Variants in BCL2L13 observed in about 807,000 individuals in gnomAD.
The protein encoded by BCL2L13 is BCL2 like 13.
In BCL2L13, 13 loss-of-function variants were observed where a neutral mutation model predicts 25.8. That is an observed-to-expected ratio of 0.50 (90% CI 0.33 to 0.80). The LOEUF (loss-of-function observed/expected upper bound fraction) is 0.80, where lower values mean the gene tolerates loss of function less well. Ranked by LOEUF, BCL2L13 falls within the 30% of genes least tolerant of loss-of-function variation. The probability of loss-of-function intolerance (pLI) is 0.02; values close to 1 mark genes in which losing one functional copy is unlikely to be tolerated. For missense variants in BCL2L13, 504 were observed against 574.9 expected (o/e 0.88, Z 1.26); for synonymous variants, 244 against 230.3 (o/e 1.06, Z -0.54).
intron 2 of BCL2L13, among the ~76,000 whole-genome samples, chr22:17,665,319 CTT>C (rs1303196906): frequency 2.0e-5 from 3 of 152,324 alleles, no homozygotes; most frequent in Non-Finnish European, 4.4e-5. Flanking sequence ...TCAACTTGGA[CTT>C]TATCGCCCAT....
intron 1 of BCL2L13, among the ~76,000 whole-genome samples, chr22:17,649,799 G>A (rs900953870): frequency 3.0e-4 from 45 of 151,554 alleles, no homozygotes; most frequent in African/African-American, 9.9e-4. Flanking sequence ...CACTGTGCCT[G>A]GCCGCTGAAG....
At chr22:17,667,257 C>T (rs547182563) in intron 2 of BCL2L13, among the ~76,000 whole-genome samples, 6 of 152,114 alleles carry the variant, frequency 3.9e-5, no homozygotes, top group Middle Eastern at 3.4e-3. Context: ...CTGCAACCTA[C>T]GCCTCCTGGG....
intron 2 of BCL2L13, among the ~76,000 whole-genome samples, chr22:17,675,059 C>T (rs1015076451): frequency 1.5e-5 from 2 of 136,674 alleles, no homozygotes; most frequent in Non-Finnish European, 3.1e-5. Flanking sequence ...CAAATACATA[C>T]ATACATACAT....
chr22:17,643,892 C>G (rs1021863737), intron 1 of BCL2L13, among the ~76,000 whole-genome samples: 1 of 150,472 alleles, frequency 6.6e-6, no homozygotes, highest in African/African-American at 2.5e-5. Context: ...GGATTACAGG[C>G]GTGAGCCACG....
At chr22:17,718,380 G>T (rs2145802450) in intron 6 of BCL2L13, among the ~76,000 whole-genome samples, 1 of 152,328 alleles carries the variant, frequency 6.6e-6, no homozygotes, top group South Asian at 2.1e-4. Flanking sequence ...TGTAGAGTTA[G>T]TACTTGTAGT....
intron 2 of BCL2L13, among the ~76,000 whole-genome samples, chr22:17,670,964 TAAAAC>T (rs1057357975): frequency 5.3e-5 from 8 of 152,060 alleles, no homozygotes; most frequent in African/African-American, 1.4e-4. Flanking sequence ...TTTGGTTGTT[TAAAAC>T]AAAACAAAAG....
chr22:17,638,571 A>T, upstream of BCL2L13: 1 of 807,264 alleles, frequency 1.2e-6, no homozygotes, highest in Non-Finnish European at 1.7e-6. Flanking sequence ...GAGAGACGGA[A>T]CTTCCGAACG....
intron 6 of BCL2L13, 129 bp downstream of exon 6, chr22:17,702,515 C>T: frequency 1.1e-6 from 1 of 897,996 alleles, no homozygotes; most frequent in East Asian, 3.1e-5. Flanking sequence ...ACTATCATGG[C>T]AGGCTTCGGT....
At chr22:17,697,110 G>C (rs2060287669) in intron 5 of BCL2L13, among the ~76,000 whole-genome samples, 1 of 151,532 alleles carries the variant, frequency 6.6e-6, no homozygotes, top group African/African-American at 2.4e-5. Context: ...CCATGGACTG[G>C]ATATATGTCT....
intron 1 of BCL2L13, among the ~76,000 whole-genome samples, chr22:17,642,349 G>A (rs1184142800): frequency 6.6e-6 from 1 of 151,626 alleles, no homozygotes; most frequent in African/African-American, 2.4e-5. Flanking sequence ...AGTAGAGACG[G>A]GGTTTTGCCA....
At chr22:17,715,147 TA>T (rs1569007669) in intron 6 of BCL2L13, among the ~76,000 whole-genome samples, 3 of 9,558 alleles carry the variant, frequency 3.1e-4, no homozygotes, top group Non-Finnish European at 6.1e-4. Context: ...TATATATATA[TA>T]TATATATATA....
intron 1 of BCL2L13, among the ~76,000 whole-genome samples, chr22:17,654,384 T>C (rs2058783001): frequency 6.6e-6 from 1 of 151,632 alleles, no homozygotes; most frequent in African/African-American, 2.4e-5. Flanking sequence ...ATTATGGGTA[T>C]GAGCCAGCAC....
chr22:17,634,345 C>G (rs373201098), upstream of BCL2L13, among the ~76,000 whole-genome samples: 72 of 152,080 alleles, frequency 4.7e-4, no homozygotes, highest in East Asian at 0.011. Flanking sequence ...GCCACCATGC[C>G]CGGCTAATTT....
chr22:17,662,456 C>A (rs181367015), intron 2 of BCL2L13, among the ~76,000 whole-genome samples: 4 of 151,968 alleles, frequency 2.6e-5, no homozygotes, highest in African/African-American at 7.3e-5. Flanking sequence ...CCAGCCTAGG[C>A]GACAGAGTGA....
intron 3 of BCL2L13, chr22:17,684,765 G>A (rs2059861973): frequency 2.6e-5 from 9 of 347,226 alleles, no homozygotes; most frequent in South Asian, 2.0e-4. Flanking sequence ...ACAGAGTCTG[G>A]CTCTTTGCCC....
In BCL2L13 at chr22:17,729,613, G is replaced by T. The variant is rs989253469; in HGVS notation, c.*2079G>T. ...AAGCCAGGTTCATCTCTGAGCTGCT[G>T]AAAGGAGGTGTGAGGCTTAGGAAAT... On this transcript the variant is annotated 3_prime_UTR_variant, in exon 7 of 7. Coordinates refer to ENST00000317582, the MANE Select transcript of BCL2L13 (RefSeq NM_015367.4). The T allele has an allele frequency of 1.3e-5, 2 of 152,244 alleles. No individual in the cohort carries two copies. Among genetic ancestry groups the T allele is most frequent in the Non-Finnish European group, 2.9e-5 (2 of 68,046 alleles). 9.4% of individuals were successfully genotyped at this position (152,244 alleles called of 1,614,324 possible).
At chr22:17,637,927 T>G (rs1203407847), upstream of BCL2L13, among the ~76,000 whole-genome samples, 1 of 152,114 alleles carries the variant, frequency 6.6e-6, no homozygotes, top group Non-Finnish European at 1.5e-5. Context: ...CGTGCCACCA[T>G]CACCCCAAAA....
At position 17,729,782 on chromosome 22, in the gene BCL2L13, G is replaced by C. The variant is rs931685876; in HGVS notation, c.*2248G>C. 1 of 152,242 alleles carries C rather than the reference G, an allele frequency of 6.6e-6. No homozygotes were observed. The highest frequency in any genetic ancestry group is 1.5e-5 in the Non-Finnish European group (1 of 68,048). 9.4% of individuals were successfully genotyped at this position (152,242 alleles called of 1,614,324 possible). A position where few individuals can be genotyped will look rare whatever the true frequency, so the allele number is the denominator to read the frequency against. On this transcript the variant is annotated 3_prime_UTR_variant, in exon 7 of 7. Transcript: ENST00000317582. ...TATTTCACGGTAATGGAACTAGATA[G>C]TGTTTTCCATTGGCTTTCTCTGGTA...
intron 2 of BCL2L13, among the ~76,000 whole-genome samples, chr22:17,677,547 C>T (rs977487795): frequency 6.6e-6 from 1 of 152,094 alleles, no homozygotes; most frequent in Non-Finnish European, 1.5e-5. Flanking sequence ...GCCTGGCCAA[C>T]AAGGCAAAAC....
Sources: allele counts gnomAD v4.1 joint callset (sites outside exome capture counted in the v4.1 genomes callset), GRCh38; gene constraint gnomAD v4.1.1; transcripts MANE v1.5; gene names NCBI Gene and HGNC (gene_info 2026-07-23, HGNC 2026-07-21).